FXYD7: variants seen among roughly 807,000 people sequenced by gnomAD.
FXYD7 encodes the protein FXYD domain containing ion transport regulator 7, also known as FXYD domain-containing ion transport regulator 7.
FXYD7 carries 7 observed loss-of-function variants against 15.3 expected under a neutral mutation model. The ratio of observed to expected loss-of-function variants is 0.46; its 90% CI spans 0.26 to 0.86. FXYD7 has a LOEUF of 0.86. Among genes scored for constraint, FXYD7 ranks in the 40% least tolerant of loss-of-function variants. The pLI is 0.16. For synonymous variants in FXYD7, 39 were observed against 39.3 expected, an observed-to-expected ratio of 0.99 and a Z score of 0.03; for missense variants, 78 against 100.6, an observed-to-expected ratio of 0.78 and a Z score of 0.96.
chr19:35,148,237 C>T (rs1303468768), intron 1 of FXYD7, among the ~76,000 whole-genome samples: 1 of 152,142 alleles, frequency 6.6e-6, no homozygotes, highest in Non-Finnish European at 1.5e-5. Flanking sequence ...CAGCAGGTGC[C>T]TGTCGGAGCT....
intron 1 of FXYD7, 31 bp from the exon 2 acceptor site, chr19:35,148,662 TC>T (rs1465727612): frequency 6.6e-7 from 1 of 1,519,728 alleles, no homozygotes. Context: ...GTTTTTTTTT[TC>T]TTTCTCTTTT....
chr19:35,147,874 G>A (rs999310784), intron 1 of FXYD7, among the ~76,000 whole-genome samples: 1 of 151,636 alleles, frequency 6.6e-6, no homozygotes, highest in Non-Finnish European at 1.5e-5. Flanking sequence ...CACACCTATA[G>A]TCCCGGTCCT....
intron 1 of FXYD7, among the ~76,000 whole-genome samples, chr19:35,145,955 T>C (rs773007292): frequency 1.3e-5 from 2 of 151,518 alleles, no homozygotes; most frequent in Non-Finnish European, 2.9e-5. Flanking sequence ...TTTTTGTATT[T>C]TTCATAGAGA....
In FXYD7 at chr19:35,151,519, C is replaced by T. The variant is rs182197816; in HGVS notation, c.179+37C>T. 1.2e-4 allele frequency: 185 copies of T among 1,607,522 alleles called. No individual in the cohort carries two copies. In the Admixed American group the frequency reaches 3.0e-3, roughly 26 times the overall value. ...GTGGGCAAAGAGCGGGAGGGGGCCT[C>T]GGGGTGCCTCCCTAGCAGATGGGCA... On this transcript the variant is annotated intron_variant, in intron 4 of 5. Coordinates refer to ENST00000270310, the MANE Select transcript of FXYD7 (RefSeq NM_022006.2).
rs930029310 is a variant in FXYD7 at position 35,154,227 on chromosome 19, C to T, written c.*311C>T. The T allele has an allele frequency of 1.8e-5, 9 of 497,234 alleles. No individual in the cohort carries two copies. The highest frequency in any genetic ancestry group is 1.4e-4 in the African/African-American group (7 of 49,600). 30.8% of individuals were successfully genotyped at this position (497,234 alleles called of 1,614,324 possible). A position where few individuals can be genotyped will look rare whatever the true frequency, so the allele number is the denominator to read the frequency against. On this transcript the variant is annotated 3_prime_UTR_variant, in exon 6 of 6. Transcript: ENST00000270310. ...CCCCCCTGCACCTCCTTGTCTCATCCCCGAAGATCCGTCCCCCTGGCCCCT... is the reference window on the plus strand; with the variant it reads ...CCCCCCTGCACCTCCTTGTCTCATCTCCGAAGATCCGTCCCCCTGGCCCCT...
intron 5 of FXYD7, among the ~76,000 whole-genome samples, chr19:35,153,685 T>C (rs1360914775): frequency 2.0e-5 from 3 of 152,074 alleles, no homozygotes; most frequent in African/African-American, 2.4e-5. Flanking sequence ...CCGTAGCAGG[T>C]GTTTCTCTCC....
chr19:35,145,486 G>A (rs1381086724), intron 1 of FXYD7, among the ~76,000 whole-genome samples: 1 of 152,220 alleles, frequency 6.6e-6, no homozygotes, highest in East Asian at 1.9e-4. Flanking sequence ...AAACAGACAA[G>A]TGAGACAATC....
chr19:35,146,808 C>T (rs2065290288), intron 1 of FXYD7, among the ~76,000 whole-genome samples: 1 of 152,166 alleles, frequency 6.6e-6, no homozygotes, highest in South Asian at 2.1e-4. Flanking sequence ...GATACCTCAG[C>T]ACCAACCTAA....
chr19:35,148,902 G>T (rs774798676), intron 2 of FXYD7, 179 bp downstream of exon 2: 1 of 736,796 alleles, frequency 1.4e-6, no homozygotes, highest in East Asian at 2.5e-5. Flanking sequence ...CCAGATGGGG[G>T]AGTGGGGATG....
In FXYD7 at chr19:35,148,052, A is replaced by T. The variant is rs908242180; in HGVS notation, c.32-642A>T. On this transcript the variant is annotated intron_variant, in intron 1 of 5. Coordinates refer to ENST00000270310, the MANE Select transcript of FXYD7 (RefSeq NM_022006.2). ...GAAAGAAAGAAAGAAAGAAAGAAAG[A>T]AAGAAAGAAAGAAAGAAAGAAAGAA... Among the ~76,000 whole-genome samples, 241 of 140,170 alleles carry T rather than the reference A, an allele frequency of 1.7e-3. 7 individuals carry two copies. In the East Asian group the frequency reaches 0.026, roughly 15 times the overall value. The allele number at this position is 140,170 out of a possible 152,430, so 92.0% of individuals were successfully genotyped here.
chr19:35,154,026 GC>G lies in FXYD7; in HGVS notation c.*112del, dbSNP rs2065328474. The G allele has an allele frequency of 2.0e-6, 2 of 994,840 alleles. No homozygotes were observed. Among genetic ancestry groups the G allele is most frequent in the East Asian group, 2.5e-5 (1 of 40,486 alleles). 61.6% of individuals were successfully genotyped at this position (994,840 alleles called of 1,614,324 possible). ...GCGCCGGGAGCGCTCCCCGGAATGA[GC>G]CGCCCCACCCACCCCAAGGCTGGAG... is the stretch of plus-strand genomic sequence containing the variant. On this transcript the variant is annotated 3_prime_UTR_variant, in exon 6 of 6. Transcript: ENST00000270310.
chr19:35,148,071 GAAA>G (rs1568405863), intron 1 of FXYD7, among the ~76,000 whole-genome samples: 2 of 121,760 alleles, frequency 1.6e-5, no homozygotes, highest in South Asian at 3.1e-4. Flanking sequence ...AAGAAAGAAA[GAAA>G]GAAAGAAAGA....
chr19:35,144,045 C>CAG (rs142358126), intron 1 of FXYD7, among the ~76,000 whole-genome samples: 60 of 150,616 alleles, frequency 4.0e-4, no homozygotes, highest in African/African-American at 1.2e-3. Context: ...GACAGAGATG[C>CAG]AGAGAGAGAG....
chr19:35,153,093 C>A (rs2065321545), intron 5 of FXYD7, among the ~76,000 whole-genome samples: 2 of 121,226 alleles, frequency 1.6e-5, no homozygotes, highest in East Asian at 2.6e-4. Context: ...CCTCTGTTGC[C>A]CAGGCTGGAG....
intron 2 of FXYD7, chr19:35,149,008 C>A (rs953734666): frequency 5.1e-6 from 3 of 583,466 alleles, no homozygotes; most frequent in Non-Finnish European, 9.7e-6. Flanking sequence ...ACCTTAGAAG[C>A]AATGACTCTG....
chr19:35,144,036 A>G (rs962234086), intron 1 of FXYD7, among the ~76,000 whole-genome samples: 21 of 152,006 alleles, frequency 1.4e-4, no homozygotes, highest in African/African-American at 5.1e-4. Flanking sequence ...AGAGCAGTAG[A>G]CAGAGATGCA....
rs954084904 is a variant in FXYD7, at chr19:35,153,033, C to CTTTTTTTTTTTTTTTT, written c.221-847_221-832dup. ...TTGGTGTGGAATTTGTTTCACGTTC[C>CTTTTTTTTTTTTTTTT]TTTTTTTTTTTTTTTTTTTTTTTTT... is the stretch of plus-strand genomic sequence containing the variant. On this transcript the variant is annotated intron_variant, in intron 5 of 5. Coordinates refer to ENST00000270310, the MANE Select transcript of FXYD7 (RefSeq NM_022006.2). Among the ~76,000 whole-genome samples the CTTTTTTTTTTTTTTTT allele has an allele frequency of 1.4e-3, 61 of 44,140 alleles. 13 individuals carry two copies. The highest frequency in any genetic ancestry group is 2.4e-3 in the Admixed American group (7 of 2,972). 29.0% of individuals were successfully genotyped at this position (44,140 alleles called of 152,430 possible). A position where few individuals can be genotyped will look rare whatever the true frequency, so the allele number is the denominator to read the frequency against.
Position 35,143,487 on chromosome 19 carries a change from C to T in FXYD7, c.31+123C>T. 1 of 756,352 alleles carries T rather than the reference C, an allele frequency of 1.3e-6. No individual in the cohort carries two copies. Among genetic ancestry groups the T allele is most frequent in the South Asian group, 2.1e-5 (1 of 46,674 alleles). The allele number at this position is 756,352 out of a possible 1,614,324, so 46.9% of individuals were successfully genotyped here. On this transcript the variant is annotated intron_variant, in intron 1 of 5. Coordinates refer to ENST00000270310, the MANE Select transcript of FXYD7 (RefSeq NM_022006.2). The surrounding 1 kb of genome is among the most constrained non-coding windows in gnomAD (Gnocchi z 4.3). Reference sequence around the variant, plus strand: ...AGTTGGGGGAGGGAGGTCCGCTCCTCCTGTGGGCGGAAGCCCCTGTAATGC... The same window carrying T: ...AGTTGGGGGAGGGAGGTCCGCTCCTTCTGTGGGCGGAAGCCCCTGTAATGC...
At chr19:35,147,633 C>G (rs969589228) in intron 1 of FXYD7, among the ~76,000 whole-genome samples, 2 of 151,758 alleles carry the variant, frequency 1.3e-5, no homozygotes, top group African/African-American at 2.4e-5. Flanking sequence ...TTTACACATA[C>G]ACACACACAC....
Sources: allele counts gnomAD v4.1 joint callset (sites outside exome capture counted in the v4.1 genomes callset), GRCh38; gene constraint gnomAD v4.1.1; non-coding constraint Gnocchi (gnomAD v3.1); transcripts MANE v1.5; gene names NCBI Gene and HGNC (gene_info 2026-07-23, HGNC 2026-07-21).